The following MATR3 variants were observed in gnomAD, a reference collection of about 807,000 sequenced individuals.
The protein encoded by MATR3 is matrin-3.
Under a neutral mutation model 85.5 loss-of-function variants are expected in MATR3, and 4 were observed. The ratio of observed to expected loss-of-function variants is 0.05; its 90% CI spans 0.02 to 0.11. MATR3 has a LOEUF of 0.11. MATR3 is among the 10% of genes least tolerant of loss of function. The pLI is 1.00. For missense variants in MATR3, 685 were observed against 1,016.1 expected (o/e 0.67, Z 4.43); for synonymous variants, 336 against 343.1 (o/e 0.98, Z 0.23).
At chr5:139,298,141 TCC>T (rs1754254866) in intron 1 of MATR3, among the ~76,000 whole-genome samples, 1 of 152,224 alleles carries the variant, frequency 6.6e-6, no homozygotes, top group Non-Finnish European at 1.5e-5. Context: ...TTGGTTTTTT[TCC>T]TCCTTTGTGA....
rs1312279400 is a variant in MATR3 at position 139,322,814 on chromosome 5, A to G, written c.1995A>G (p.Ala665=). The G allele has an allele frequency of 6.2e-7, 1 of 1,614,254 alleles. No individual in the cohort carries two copies. The highest frequency in any genetic ancestry group is 8.5e-7 in the Non-Finnish European group (1 of 1,180,042). Residue 665 remains alanine (A), a synonymous_variant, in exon 12 of 15, where the codon GCA becomes GCG. Coordinates refer to ENST00000394805, the MANE Select transcript of MATR3 (RefSeq NM_018834.6). ...EDELLVDEEE[A]AALLESGSSV... is the part of the protein sequence containing the mutation. ...AGCTACTTGTAGATGAAGAAGAAGC[A>G]GCAGCACTGCTAGAAAGTGGCAGTT... is the stretch of plus-strand genomic sequence containing the variant.
intron 3 of MATR3, among the ~76,000 whole-genome samples, chr5:139,287,996 A>C (rs2151897090): frequency 6.6e-6 from 1 of 152,308 alleles, no homozygotes; most frequent in East Asian, 1.9e-4. Context: ...AGATCACATA[A>C]GCCCAGGAGT....
intron 3 of MATR3, chr5:139,283,156 T>G (rs1337037871): frequency 6.6e-6 from 1 of 152,274 alleles, no homozygotes; most frequent in Non-Finnish European, 1.5e-5. Flanking sequence ...GATGGGGATT[T>G]TGTTATCAGC....
chr5:139,308,675 C>A (rs907264060), intron 2 of MATR3, among the ~76,000 whole-genome samples: 2 of 152,112 alleles, frequency 1.3e-5, no homozygotes, highest in African/African-American at 4.8e-5. Context: ...TCAATGTGCT[C>A]TGCCATTCAG....
At chr5:139,323,143 CATTTT>C (rs780031561) in intron 12 of MATR3, among the ~76,000 whole-genome samples, 176 bp downstream of exon 12, 31 of 151,966 alleles carry the variant, frequency 2.0e-4, no homozygotes, top group Non-Finnish European at 2.9e-4. Flanking sequence ...TTAAATAAGA[CATTTT>C]ATTATAGTTG....
intron 12 of MATR3, among the ~76,000 whole-genome samples, chr5:139,324,252 A>C (rs1440677568): frequency 6.6e-6 from 1 of 152,018 alleles, no homozygotes; most frequent in Non-Finnish European, 1.5e-5. Flanking sequence ...CACAGAGCCA[A>C]AATTTAAACT....
intron 9 of MATR3, among the ~76,000 whole-genome samples, chr5:139,321,021 G>A (rs879362287): frequency 4.0e-5 from 6 of 151,386 alleles, no homozygotes; most frequent in Admixed American, 4.0e-4. Flanking sequence ...CTCCCAAAGT[G>A]CTGGGATTAC....
At chr5:139,319,312 T>C in intron 8 of MATR3, 22 bp from the exon 9 acceptor site, 1 of 1,604,780 alleles carries the variant, frequency 6.2e-7, no homozygotes, top group Non-Finnish European at 8.5e-7. Flanking sequence ...ATTTGTCCTT[T>C]TGTTGTTGTT....
intron 13 of MATR3, 108 bp downstream of exon 13, chr5:139,325,770 T>G: frequency 1.0e-6 from 1 of 953,838 alleles, no homozygotes; most frequent in Non-Finnish European, 1.6e-6. Flanking sequence ...TGATAGCATT[T>G]TAAATTTGCT....
intron 9 of MATR3, 108 bp from the exon 10 acceptor site, chr5:139,321,790 A>T: frequency 1.3e-6 from 1 of 758,212 alleles, no homozygotes; most frequent in Middle Eastern, 4.2e-4. Context: ...CTCAAAAAAG[A>T]AAAAAAGTAA....
At chr5:139,274,424 T>C (rs895477062) in intron 1 of MATR3, 23 of 230,130 alleles carry the variant, frequency 1.0e-4, no homozygotes, top group South Asian at 7.2e-4. Flanking sequence ...GCAGGGACTT[T>C]GGAAGGTTTG....
rs750875709 is a variant in MATR3 at position 139,317,078 on chromosome 5, A to T, written c.1155A>T (p.Gly385=). The stretch of plus-strand genomic sequence containing the variant: ...GTGCTGGAAATGGAAACCTGCAAGG[A>T]CCTAGACACATGCAGAAAGGCAGAG... The part of the protein sequence containing the change: ...NLGAGNGNLQ[G]PRHMQKGRVE... The change falls in exon 6 of 15, where the codon GGA becomes GGT. Residue 385 remains glycine, a synonymous_variant. Transcript: ENST00000394805. The T allele has an allele frequency of 1.2e-6, 2 of 1,614,090 alleles. No individual in the cohort carries two copies. The highest frequency in any genetic ancestry group is 1.7e-6 in the Non-Finnish European group (2 of 1,179,990).
intron 1 of MATR3, among the ~76,000 whole-genome samples, chr5:139,297,074 G>A (rs1754193955): frequency 6.6e-6 from 1 of 152,230 alleles, no homozygotes; most frequent in Non-Finnish European, 1.5e-5. Context: ...CTACTTGGGA[G>A]GGTGAGGGAG....
At chr5:139,298,506 T>G (rs1327411677) in intron 1 of MATR3, among the ~76,000 whole-genome samples, 1 of 152,190 alleles carries the variant, frequency 6.6e-6, no homozygotes, top group Non-Finnish European at 1.5e-5. Context: ...GAGGCGGAAG[T>G]TGCAGTGAGG....
At chr5:139,326,699 AC>A (rs1369397420) in intron 14 of MATR3, among the ~76,000 whole-genome samples, 36 of 152,210 alleles carry the variant, frequency 2.4e-4, no homozygotes, top group Admixed American at 5.9e-4. Flanking sequence ...TGCTGGGATT[AC>A]AGGCATGAGC....
intron 1 of MATR3, among the ~76,000 whole-genome samples, chr5:139,296,995 A>G (rs1297279287): frequency 6.6e-6 from 1 of 152,078 alleles, no homozygotes; most frequent in Non-Finnish European, 1.5e-5. Context: ...ACATGGCGAA[A>G]CCCCATTTCT....
chr5:139,325,300 G>T, intron 12 of MATR3, 140 bp from the exon 13 acceptor site: 1 of 1,556,842 alleles, frequency 6.4e-7, no homozygotes, highest in Non-Finnish European at 8.7e-7. Flanking sequence ...TAACAGCGTC[G>T]TTTTCCAGGG....
At chr5:139,306,222 C>A (rs1209488063) in intron 1 of MATR3, among the ~76,000 whole-genome samples, 1 of 152,034 alleles carries the variant, frequency 6.6e-6, no homozygotes, top group Admixed American at 6.6e-5. Context: ...TTCTGAGGTA[C>A]AACAATAATG....
intron 2 of MATR3, chr5:139,313,610 TAA>T (rs1381054053): frequency 6.6e-6 from 1 of 152,148 alleles, no homozygotes; most frequent in Non-Finnish European, 1.5e-5. Context: ...TTGAATAAAA[TAA>T]GAGTTACTTC....
Sources: gnomAD v4.1 joint callset for allele counts (sites outside exome capture counted in the v4.1 genomes callset) on GRCh38, gnomAD v4.1.1 for gene constraint, MANE v1.5 for transcripts, NCBI Gene and HGNC (gene_info 2026-07-23, HGNC 2026-07-21) for gene names.